RNF212B: variants seen among roughly 807,000 people sequenced by gnomAD.
RNF212B encodes E3 ubiquitin-protein ligase RNF212B.
In RNF212B, 52 loss-of-function variants were observed where a neutral mutation model predicts 55.5. The observed-to-expected ratio is 0.94, with a 90% CI of 0.75 to 1.18. The LOEUF (loss-of-function observed/expected upper bound fraction) is 1.18. RNF212B is among the 50% of genes most tolerant of loss of function. RNF212B has a pLI of 0.00. For missense variants in RNF212B, 289 were observed against 350.4 expected (o/e 0.82, Z 1.40); for synonymous variants, 99 against 121.4 (o/e 0.82, Z 1.21).
chr14:23,239,218 C>G (rs1883375638), intron 1 of RNF212B, among the ~76,000 whole-genome samples: 1 of 152,098 alleles, frequency 6.6e-6, no homozygotes, highest in South Asian at 2.1e-4. Flanking sequence ...CCACCACACC[C>G]AGCTAATTTT....
chr14:23,264,470 T>C (rs1176080362), intron 10 of RNF212B, among the ~76,000 whole-genome samples, 153 bp from the exon 11 acceptor site: 1 of 152,238 alleles, frequency 6.6e-6, no homozygotes. Context: ...GTGTTCATTT[T>C]GGAAGGAGTA....
At chr14:23,192,761 T>C (rs1878236919) in intron 1 of RNF212B, among the ~76,000 whole-genome samples, 3 of 152,216 alleles carry the variant, frequency 2.0e-5, no homozygotes, top group Admixed American at 2.0e-4. Context: ...TATGCCTTTA[T>C]GCCTTTAATT....
At chr14:23,227,759 C>G (rs1882164356) in intron 2 of RNF212B, among the ~76,000 whole-genome samples, 1 of 151,970 alleles carries the variant, frequency 6.6e-6, no homozygotes, top group African/African-American at 2.4e-5. Context: ...ATCAGCACGC[C>G]TGGCTAATTT....
At chr14:23,216,879 CAAAAAAAAAAAAA>C (rs59923716) in intron 2 of RNF212B, among the ~76,000 whole-genome samples, 1 of 48,756 alleles carries the variant, frequency 2.1e-5, no homozygotes, top group Non-Finnish European at 3.4e-5. Context: ...GACCCTGTCT[CAAAAAAAAAAAAA>C]AAAAAAAAAA....
chr14:23,259,812 A>C lies in RNF212B; in HGVS notation c.345-72A>C, dbSNP rs1035280827. 7 of 723,718 alleles carry C rather than the reference A, an allele frequency of 9.7e-6. No homozygotes were observed. In the African/African-American group the frequency reaches 1.3e-4, roughly 13 times the overall value. 44.8% of individuals were successfully genotyped at this position (723,718 alleles called of 1,614,324 possible). ...CAGTAAGTATTAACTAGATGTTAAT[A>C]GTTATAATAATAAAAAATCAGGTTT... On this transcript the variant is annotated intron_variant, in intron 5 of 14. Coordinates refer to ENST00000430154, the MANE Select transcript of RNF212B (RefSeq NM_001282322.3).
chr14:23,204,314 G>A (rs1477301249), intron 2 of RNF212B, among the ~76,000 whole-genome samples: 1 of 152,164 alleles, frequency 6.6e-6, no homozygotes, highest in Non-Finnish European at 1.5e-5. Flanking sequence ...CCAATGTCTA[G>A]AAGCATTTTT....
intron 2 of RNF212B, chr14:23,193,444 A>G (rs1400588660): frequency 6.6e-6 from 1 of 152,182 alleles, no homozygotes; most frequent in African/African-American, 2.4e-5. Flanking sequence ...CTAGGATAAG[A>G]GGGTGAATTA....
At chr14:23,240,321 A>T (rs1438597100) in intron 1 of RNF212B, 24 bp from the exon 2 acceptor site, 115 of 1,447,408 alleles carry the variant, frequency 7.9e-5, no homozygotes, top group Non-Finnish European at 1.0e-4. Flanking sequence ...GGTTATTCTT[A>T]CTCTTTCTCT....
chr14:23,196,426 A>G (rs1878705683), intron 2 of RNF212B, among the ~76,000 whole-genome samples: 1 of 151,996 alleles, frequency 6.6e-6, no homozygotes, highest in East Asian at 1.9e-4. Context: ...ATGACCTACC[A>G]AAGGGCTCAA....
chr14:23,224,078 T>A (rs573792335), intron 2 of RNF212B, among the ~76,000 whole-genome samples: 2 of 152,060 alleles, frequency 1.3e-5, no homozygotes, highest in East Asian at 3.9e-4. Context: ...ATGAAAGAAA[T>A]TGAGGAGAAC....
chr14:23,251,877 A>C (rs1013097144), intron 4 of RNF212B, among the ~76,000 whole-genome samples: 2 of 152,098 alleles, frequency 1.3e-5, no homozygotes, highest in Non-Finnish European at 2.9e-5. Flanking sequence ...AAAGATGCAA[A>C]GTATGTGAGG....
intron 2 of RNF212B, among the ~76,000 whole-genome samples, chr14:23,226,317 TTAAATAAA>T (rs1251726091): frequency 9.8e-6 from 1 of 101,762 alleles, no homozygotes; most frequent in Non-Finnish European, 2.0e-5. Flanking sequence ...AAAAAAAAAA[TTAAATAAA>T]TAAATAAATA....
In RNF212B at chr14:23,224,490, G is replaced by GT. The variant is rs529570452; in HGVS notation, c.-1-15854dup. On this transcript the variant is annotated intron_variant, in intron 2 of 15. Coordinates refer to the RNF212B transcript ENST00000399910. ...CATTTTGGGCAAGGATGCCAACAAC[G>GT]TACACTGGGGAAAAGACAGTCTCTT... Among the ~76,000 whole-genome samples, 487 of 152,240 alleles carry GT rather than the reference G, an allele frequency of 3.2e-3. 5 individuals are homozygous for GT. The highest frequency in any genetic ancestry group is 0.011 in the African/African-American group (458 of 41,522).
At chr14:23,186,818 A>G (rs1026135825) in intron 1 of RNF212B, among the ~76,000 whole-genome samples, 2 of 152,242 alleles carry the variant, frequency 1.3e-5, no homozygotes, top group Admixed American at 1.3e-4. Flanking sequence ...TACCTGAGGT[A>G]AAAAACAAGA....
At chr14:23,270,109 C>A in intron 13 of RNF212B, 149 bp downstream of exon 13, 1 of 612,542 alleles carries the variant, frequency 1.6e-6, no homozygotes, top group South Asian at 2.0e-5. Flanking sequence ...AAGAGCCATC[C>A]CATTTTCTTC....
chr14:23,219,170 T>C (rs1176032825), intron 2 of RNF212B, among the ~76,000 whole-genome samples: 1 of 152,186 alleles, frequency 6.6e-6, no homozygotes, highest in Non-Finnish European at 1.5e-5. Context: ...ACACCAGAAC[T>C]GTCTTACAAG....
At chr14:23,256,115 C>T (rs957641942) in intron 4 of RNF212B, among the ~76,000 whole-genome samples, 1 of 151,946 alleles carries the variant, frequency 6.6e-6, no homozygotes, top group Non-Finnish European at 1.5e-5. Context: ...CACTTACGAC[C>T]CTTGGTAATG....
At chr14:23,243,147 C>A in intron 2 of RNF212B, 109 bp from the exon 3 acceptor site, 1 of 744,276 alleles carries the variant, frequency 1.3e-6, no homozygotes, top group Non-Finnish European at 2.3e-6. Context: ...GTTAAGAACC[C>A]TTTTTTTCTT....
At chr14:23,186,883 G>A (rs530532627) in intron 1 of RNF212B, among the ~76,000 whole-genome samples, 1 of 152,180 alleles carries the variant, frequency 6.6e-6, no homozygotes, top group African/African-American at 2.4e-5. Context: ...CACTTTTTCA[G>A]GATGCTATAG....
Sources: allele counts gnomAD v4.1 joint callset (sites outside exome capture counted in the v4.1 genomes callset), GRCh38; gene constraint gnomAD v4.1.1; transcripts MANE v1.5; gene names NCBI Gene and HGNC (gene_info 2026-07-23, HGNC 2026-07-21).